PDILT: variants seen among roughly 807,000 people sequenced by gnomAD.
The protein encoded by PDILT is protein disulfide isomerase like, testis expressed.
Under a neutral mutation model 53.7 loss-of-function variants are expected in PDILT, and 43 were observed. That is an observed-to-expected ratio of 0.80 (90% confidence interval 0.63 to 1.03). The LOEUF (loss-of-function observed/expected upper bound fraction) is 1.03. PDILT is among the 50% of genes least tolerant of loss of function. The pLI is 0.00. For synonymous variants in PDILT, 282 were observed against 274.2 expected, an observed-to-expected ratio of 1.03 and a Z score of -0.28; for missense variants, 727 against 712.3, an observed-to-expected ratio of 1.02 and a Z score of -0.24.
rs151053059 is a variant in PDILT, at chr16:20,369,517, C to G, written c.1091G>C (p.Arg364Pro). 2.5e-6 allele frequency: 4 copies of G among 1,614,110 alleles called. No homozygotes were observed. Among genetic ancestry groups the G allele is most frequent in the Non-Finnish European group, 3.4e-6 (4 of 1,179,958 alleles). The change falls in exon 8 of 12, where the codon CGC (arginine) becomes CCC (proline). Residue 364 changes from arginine to proline, a missense_variant. Physicochemically the swap from Arg to Pro is moderately radical, Grantham distance 103 (BLOSUM62 -2). Coordinates refer to ENST00000302451, the MANE Select transcript of PDILT (RefSeq NM_174924.2). Reference protein sequence around the residue: ...ITYESLKKFGRSFLSKNATKH... With the variant: ...ITYESLKKFGPSFLSKNATKH... ...TGTGGCATTTTTACTCAGGAAGCTGCGGCCAAATTTCTTGAGGCTTTCGTA... is the reference window on the plus strand; with the variant it reads ...TGTGGCATTTTTACTCAGGAAGCTGGGGCCAAATTTCTTGAGGCTTTCGTA...
intron 9 of PDILT, among the ~76,000 whole-genome samples, chr16:20,362,933 A>G (rs1966127422): frequency 6.6e-6 from 1 of 151,818 alleles, no homozygotes; most frequent in Non-Finnish European, 1.5e-5. Flanking sequence ...TTAGCCGAGC[A>G]TGATGGCGTG....
intron 3 of PDILT, among the ~76,000 whole-genome samples, chr16:20,379,606 T>C (rs1467964212): frequency 6.6e-6 from 1 of 152,244 alleles, no homozygotes; most frequent in Non-Finnish European, 1.5e-5. Flanking sequence ...TGAGTCACCA[T>C]GCCCGGCTGG....
At chr16:20,370,771 A>T (rs1175281823) in intron 7 of PDILT, among the ~76,000 whole-genome samples, 1 of 152,126 alleles carries the variant, frequency 6.6e-6, no homozygotes, top group Non-Finnish European at 1.5e-5. Flanking sequence ...GGTTGTAGTA[A>T]AGAAGCCAGC....
At chr16:20,398,495 G>A (rs76762968) in intron 2 of PDILT, among the ~76,000 whole-genome samples, 3 of 152,280 alleles carry the variant, frequency 2.0e-5, no homozygotes, top group Admixed American at 6.5e-5. Flanking sequence ...GCTGGGTGTG[G>A]TGGCGGGTAC....
intron 2 of PDILT, among the ~76,000 whole-genome samples, chr16:20,393,530 T>C (rs1339589203): frequency 2.0e-5 from 3 of 152,222 alleles, no homozygotes; most frequent in Non-Finnish European, 4.4e-5. Context: ...AGGTGATTCA[T>C]GCTTCTATGA....
chr16:20,399,775 C>T (rs1596600851), intron 1 of PDILT, among the ~76,000 whole-genome samples: 1 of 149,924 alleles, frequency 6.7e-6, no homozygotes, highest in Non-Finnish European at 1.5e-5. Flanking sequence ...AAGGGAAGCT[C>T]ACTACCTGCA....
chr16:20,364,252 C>T (rs1190667494), intron 9 of PDILT, among the ~76,000 whole-genome samples: 1 of 152,208 alleles, frequency 6.6e-6, no homozygotes, highest in Non-Finnish European at 1.5e-5. Flanking sequence ...CTGCATCTAG[C>T]CTCTCATTGA....
chr16:20,400,064 A>T (rs1458376822), intron 1 of PDILT, among the ~76,000 whole-genome samples: 18 of 124,566 alleles, frequency 1.4e-4, no homozygotes, highest in African/African-American at 4.6e-4. Flanking sequence ...CTATATATAT[A>T]TATATATATT....
chr16:20,366,973 TTCCTTCCTTC>T (rs1267965854), intron 8 of PDILT, among the ~76,000 whole-genome samples: 12,966 of 86,434 alleles, frequency 0.15, 1,378 homozygotes, highest in African/African-American at 0.19. Context: ...CCTTCCTTCC[TTCCTTCCTTC>T]CTTCCTTTCT....
chr16:20,380,972 C>T (rs1398889484), intron 3 of PDILT, among the ~76,000 whole-genome samples: 1 of 152,226 alleles, frequency 6.6e-6, no homozygotes, highest in African/African-American at 2.4e-5. Context: ...TCCTTTGGTG[C>T]TTGGCTCTGT....
At chr16:20,359,642 G>T in intron 11 of PDILT, 75 bp from the exon 12 acceptor site, 2 of 1,419,258 alleles carry the variant, frequency 1.4e-6, no homozygotes, top group African/African-American at 1.4e-5. Context: ...CAAGAAATAT[G>T]TCATCATTGT....
intron 9 of PDILT, among the ~76,000 whole-genome samples, chr16:20,363,838 G>T (rs1463141788): frequency 2.6e-5 from 4 of 152,084 alleles, no homozygotes; most frequent in Admixed American, 2.6e-4. Context: ...CAGTTCTTTG[G>T]TCTTTGAGTG....
intron 3 of PDILT, among the ~76,000 whole-genome samples, chr16:20,376,423 T>C (rs541852806): frequency 6.6e-6 from 1 of 152,344 alleles, no homozygotes; most frequent in South Asian, 2.1e-4. Context: ...GCCCAGACAC[T>C]GTGCTGAACG....
At chr16:20,396,197 T>C (rs1966660849) in intron 2 of PDILT, among the ~76,000 whole-genome samples, 1 of 152,194 alleles carries the variant, frequency 6.6e-6, no homozygotes, top group Non-Finnish European at 1.5e-5. Context: ...ACTTTCAATA[T>C]TCTCGCTTTA....
chr16:20,372,263 C>G (rs889857587), intron 7 of PDILT, among the ~76,000 whole-genome samples: 12 of 152,122 alleles, frequency 7.9e-5, no homozygotes, highest in Non-Finnish European at 1.3e-4. Flanking sequence ...ATGAGGAGAC[C>G]TCAATATGGG....
At chr16:20,364,315 G>A (rs773319892) in intron 9 of PDILT, among the ~76,000 whole-genome samples, 3 of 152,234 alleles carry the variant, frequency 2.0e-5, no homozygotes, top group Non-Finnish European at 2.9e-5. Flanking sequence ...CTCACTCTGT[G>A]AATAACAGTC....
At chr16:20,398,419 C>T (rs1232151316) in intron 2 of PDILT, among the ~76,000 whole-genome samples, 3 of 152,050 alleles carry the variant, frequency 2.0e-5, no homozygotes, top group Admixed American at 6.6e-5. Flanking sequence ...GTCAGGAGTT[C>T]GCGACCAGCC....
intron 2 of PDILT, among the ~76,000 whole-genome samples, chr16:20,388,597 T>A (rs933341581): frequency 6.6e-6 from 1 of 152,224 alleles, no homozygotes; most frequent in Non-Finnish European, 1.5e-5. Flanking sequence ...AGTCCGATTT[T>A]CTGGCTTCTT....
chr16:20,374,678 TG>T, intron 5 of PDILT, 143 bp downstream of exon 5: 1 of 894,848 alleles, frequency 1.1e-6, no homozygotes, highest in Non-Finnish European at 1.7e-6. Flanking sequence ...GGAGCAACAC[TG>T]GGAGACTGTG....
Sources: allele counts gnomAD v4.1 joint callset (sites outside exome capture counted in the v4.1 genomes callset), GRCh38; gene constraint gnomAD v4.1.1; transcripts MANE v1.5; gene names NCBI Gene and HGNC (gene_info 2026-07-23, HGNC 2026-07-21).